The following GIT2 variants were observed in gnomAD, a reference collection of about 807,000 sequenced individuals.
GIT2 encodes the protein GIT ArfGAP 2.
GIT2 carries 32 observed loss-of-function variants against 100.3 expected under a neutral mutation model. That is an observed-to-expected ratio of 0.32 (90% confidence interval 0.24 to 0.43). The LOEUF (loss-of-function observed/expected upper bound fraction) is 0.43. GIT2 is among the 20% of genes least tolerant of loss of function. The pLI is 1.00. For missense variants in GIT2, 737 were observed against 975.1 expected (o/e 0.76, Z 3.25); for synonymous variants, 353 against 364.1 (o/e 0.97, Z 0.35).
chr12:109,938,596 A>G, intron 17 of GIT2, 28 bp from the exon 18 acceptor site: 1 of 1,527,316 alleles, frequency 6.5e-7, no homozygotes, highest in Non-Finnish European at 8.8e-7. Context: ...GCAGTTAAAT[A>G]CAGCAGGTGC....
At chr12:109,938,234 T>C (rs1429939109) in intron 18 of GIT2, 146 bp downstream of exon 18, 4 of 553,372 alleles carry the variant, frequency 7.2e-6, no homozygotes, top group African/African-American at 5.7e-5. Context: ...AAAACTGACA[T>C]TGTTCTTAAG....
At chr12:109,966,837 C>G (rs1388763208) in intron 8 of GIT2, among the ~76,000 whole-genome samples, 1 of 152,124 alleles carries the variant, frequency 6.6e-6, no homozygotes, top group African/African-American at 2.4e-5. Flanking sequence ...TCTTATAGAC[C>G]AGGGGTCAGA....
intron 12 of GIT2, among the ~76,000 whole-genome samples, chr12:109,957,499 ATAAG>A (rs989733539): frequency 2.0e-5 from 3 of 151,724 alleles, no homozygotes; most frequent in South Asian, 2.1e-4. Flanking sequence ...TTAAAAAAAG[ATAAG>A]TATGTATTTT....
At chr12:109,951,048 T>C in intron 14 of GIT2, 119 bp downstream of exon 14, 2 of 879,388 alleles carry the variant, frequency 2.3e-6, no homozygotes, top group Non-Finnish European at 3.6e-6. Flanking sequence ...GGCCCAAAGA[T>C]TTCTAAGGCT....
chr12:109,949,847 A>G (rs1219274593), intron 14 of GIT2, among the ~76,000 whole-genome samples: 4 of 152,260 alleles, frequency 2.6e-5, no homozygotes, highest in Non-Finnish European at 5.9e-5. Context: ...GGTCAAAATT[A>G]TTAGTCCAAT....
intron 17 of GIT2, 53 bp downstream of exon 17, chr12:109,939,112 G>C: frequency 9.5e-7 from 1 of 1,050,052 alleles, no homozygotes; most frequent in Non-Finnish European, 1.5e-6. Flanking sequence ...AGGCCTGCCA[G>C]GTCTCTGGCC....
intron 2 of GIT2, among the ~76,000 whole-genome samples, chr12:109,991,086 G>T (rs1416295083): frequency 1.3e-5 from 2 of 152,180 alleles, no homozygotes; most frequent in East Asian, 3.8e-4. Context: ...TTGAGGTGTG[G>T]ATCACTTGAG....
intron 18 of GIT2, among the ~76,000 whole-genome samples, chr12:109,937,414 T>G (rs536796811): frequency 6.6e-6 from 1 of 152,358 alleles, no homozygotes; most frequent in Admixed American, 6.5e-5. Context: ...TAAACTTTGC[T>G]GACCTAATGA....
At chr12:109,964,495 G>A (rs999035398) in intron 9 of GIT2, among the ~76,000 whole-genome samples, 4 of 152,058 alleles carry the variant, frequency 2.6e-5, no homozygotes, top group African/African-American at 9.7e-5. Flanking sequence ...ACCTACACTG[G>A]TCAGATTTCA....
intron 13 of GIT2, 185 bp downstream of exon 13, chr12:109,952,905 TAA>T: frequency 1.6e-6 from 1 of 609,050 alleles, no homozygotes; most frequent in Non-Finnish European, 2.9e-6. Flanking sequence ...ACAAGTTTTA[TAA>T]AGTCTCAACT....
upstream of GIT2, among the ~76,000 whole-genome samples, chr12:109,996,633 A>G: frequency 6.6e-6 from 1 of 152,244 alleles, no homozygotes; most frequent in African/African-American, 2.4e-5. Context: ...AAGTTCATTC[A>G]TTCATTCCTT....
At chr12:109,989,581 AC>A (rs1888018147) in intron 3 of GIT2, 108 bp downstream of exon 3, 1 of 654,270 alleles carries the variant, frequency 1.5e-6, no homozygotes, top group Non-Finnish European at 2.7e-6. Context: ...AACTAGGGTA[AC>A]CCCCTCCTCT....
chr12:109,984,208 G>T (rs1003780413), intron 4 of GIT2, among the ~76,000 whole-genome samples: 1 of 151,982 alleles, frequency 6.6e-6, no homozygotes, highest in African/African-American at 2.4e-5. Flanking sequence ...CCAGGGGTTT[G>T]AGACCAGCCT....
At chr12:109,966,409 G>A (rs1261505334) in intron 8 of GIT2, among the ~76,000 whole-genome samples, 2 of 150,570 alleles carry the variant, frequency 1.3e-5, no homozygotes, top group South Asian at 2.1e-4. Flanking sequence ...CTCGGGAGGC[G>A]GAGACAGGAG....
upstream of GIT2, among the ~76,000 whole-genome samples, chr12:109,997,204 CAAAA>C (rs35732772): frequency 3.7e-4 from 16 of 43,326 alleles, no homozygotes; most frequent in East Asian, 7.3e-3. Flanking sequence ...GACTCCGTCT[CAAAA>C]AAAAAAAAAA....
In GIT2 at chr12:109,948,227, C is replaced by T. The variant is rs1486357584; in HGVS notation, c.1393-723G>A. On this transcript the variant is annotated intron_variant, in intron 14 of 19. Transcript: ENST00000355312. This position sits in a 1 kb window ranked among gnomAD's most constrained non-coding sequence, Gnocchi z 4.3. ...TATTGATCTATGGAATTGACATCTTCGCATGGATGCTCCACGCAGCACGCT... is the reference window on the plus strand; with the variant it reads ...TATTGATCTATGGAATTGACATCTTTGCATGGATGCTCCACGCAGCACGCT... 10 of 985,452 alleles carry T rather than the reference C, an allele frequency of 1.0e-5. No homozygotes were observed. The highest frequency in any genetic ancestry group is 1.2e-5 in the Non-Finnish European group (10 of 830,000). 61.0% of individuals were successfully genotyped at this position (985,452 alleles called of 1,614,324 possible).
Position 109,929,832 on chromosome 12 carries a change from T to G in GIT2, c.*3146A>C, listed in dbSNP as rs1458604908. 6.6e-6 allele frequency: 1 copy of G among 152,566 alleles called. No homozygotes were observed. Among genetic ancestry groups the G allele is most frequent in the African/African-American group, 2.4e-5 (1 of 41,428 alleles). 9.5% of individuals were successfully genotyped at this position (152,566 alleles called of 1,614,324 possible). On this transcript the variant is annotated 3_prime_UTR_variant, in exon 20 of 20. Transcript: ENST00000355312. ...TTGTAGAGCCTGTTTATTGCATAACTAGCAGGCACAAATTCCAAAACGATT... is the reference window on the plus strand; with the variant it reads ...TTGTAGAGCCTGTTTATTGCATAACGAGCAGGCACAAATTCCAAAACGATT...
chr12:109,945,773 A>T (rs1345899324), intron 15 of GIT2, among the ~76,000 whole-genome samples: 1 of 152,226 alleles, frequency 6.6e-6, no homozygotes. Flanking sequence ...TTTCTAAAAT[A>T]AGAAAGTACA....
intron 1 of GIT2, among the ~76,000 whole-genome samples, chr12:109,993,888 A>G (rs1317741308): frequency 6.6e-6 from 1 of 152,084 alleles, no homozygotes; most frequent in Non-Finnish European, 1.5e-5. Flanking sequence ...AGAATATTTA[A>G]GAAGATGTGA....
Sources: gnomAD v4.1 joint callset for allele counts (sites outside exome capture counted in the v4.1 genomes callset) on GRCh38, gnomAD v4.1.1 for gene constraint, Gnocchi (gnomAD v3.1) non-coding constraint, MANE v1.5 for transcripts, NCBI Gene and HGNC (gene_info 2026-07-23, HGNC 2026-07-21) for gene names.